SI: variants seen among roughly 807,000 people sequenced by gnomAD.
SI encodes the protein sucrase-isomaltase, intestinal.
In SI, 235 loss-of-function variants were observed where a neutral mutation model predicts 253.3. The observed-to-expected ratio is 0.93, with a 90% CI of 0.83 to 1.03. The LOEUF (loss-of-function observed/expected upper bound fraction) is 1.03. Among genes scored for constraint, SI ranks in the 50% least tolerant of loss-of-function variants. The probability of loss-of-function intolerance (pLI) is 0.00; values close to 1 mark genes in which losing one functional copy is unlikely to be tolerated. For synonymous variants in SI, 819 were observed against 712.0 expected (o/e 1.15, Z -2.39); for missense variants, 2,442 against 2,211.1 (o/e 1.10, Z -2.09).
chr3:165,023,029 C>T (rs1381367767), intron 26 of SI, among the ~76,000 whole-genome samples: 1 of 151,380 alleles, frequency 6.6e-6, no homozygotes, highest in Non-Finnish European at 1.5e-5. Flanking sequence ...GCCATTTCTG[C>T]TTCTAAATAA....
At chr3:165,017,252 T>A (rs1284897116) in intron 31 of SI, among the ~76,000 whole-genome samples, 1 of 151,976 alleles carries the variant, frequency 6.6e-6, no homozygotes, top group African/African-American at 2.4e-5. Context: ...GAGAACATAG[T>A]GACTGCCTGT....
intron 41 of SI, 30 bp downstream of exon 41, chr3:164,994,227 G>T: frequency 6.3e-7 from 1 of 1,588,492 alleles, no homozygotes; most frequent in South Asian, 1.1e-5. Flanking sequence ...GTATCTCTCT[G>T]TGATAAGAGA....
chr3:165,007,734 G>T (rs1718580052), intron 36 of SI, among the ~76,000 whole-genome samples, 177 bp downstream of exon 36: 1 of 150,418 alleles, frequency 6.6e-6, no homozygotes, highest in Non-Finnish European at 1.5e-5. Flanking sequence ...TGAAAATTGG[G>T]TGTGTGAATC....
rs564027722 is a variant in SI at position 164,992,101 on chromosome 3, C to A, written c.4983+76G>T. Reference sequence around the variant, plus strand: ...TAAGTGGAAAGTAAATCCAACATACCGTTAATGAAAAGGCTAGGGCCAAAC... The same window carrying A: ...TAAGTGGAAAGTAAATCCAACATACAGTTAATGAAAAGGCTAGGGCCAAAC... On this transcript the variant is annotated intron_variant, in intron 43 of 47. Coordinates refer to ENST00000264382, the MANE Select transcript of SI (RefSeq NM_001041.4). 12 of 1,182,754 alleles carry A rather than the reference C, an allele frequency of 1.0e-5. No individual in the cohort carries two copies. In the African/African-American group the frequency reaches 1.7e-4, roughly 16 times the overall value. The allele number at this position is 1,182,754 out of a possible 1,614,324, so 73.3% of individuals were successfully genotyped here.
At position 165,063,464 on chromosome 3, in the gene SI, A is replaced by G. The variant is rs141754766; in HGVS notation, c.885T>C (p.Phe295=). The G allele has an allele frequency of 6.3e-5, 97 of 1,534,766 alleles. 1 individual carries two copies. The African/African-American group carries it at 1.3e-3, about 20-fold the overall frequency. Reference sequence around the variant, plus strand: ...TACCCATTGCATTGCTATTCATTAAAAAAACACCGAATGACTTTCCAGATG... The same window carrying G: ...TACCCATTGCATTGCTATTCATTAAGAAAACACCGAATGACTTTCCAGATG... ...EDTSGKSFGV[F]LMNSNAMEIF... Residue 295 remains phenylalanine, a synonymous_variant, in exon 8 of 48, where the codon TTT becomes TTC. Transcript: ENST00000264382.
intron 40 of SI, among the ~76,000 whole-genome samples, chr3:164,995,913 C>G (rs1275651057): frequency 6.6e-6 from 1 of 151,686 alleles, no homozygotes; most frequent in Admixed American, 6.6e-5. Context: ...AATAATGAAT[C>G]TCTCCCCAAG....
intron 25 of SI, among the ~76,000 whole-genome samples, chr3:165,026,723 T>C (rs1002016667): frequency 6.6e-6 from 1 of 151,358 alleles, no homozygotes; most frequent in Non-Finnish European, 1.5e-5. Context: ...TGAATGATCA[T>C]TGGGTCAAAA....
intron 37 of SI, among the ~76,000 whole-genome samples, chr3:165,000,573 T>C (rs1233968638): frequency 6.6e-6 from 1 of 151,442 alleles, no homozygotes; most frequent in East Asian, 1.9e-4. Flanking sequence ...TAATTGTAAA[T>C]TAAAATAAAA....
chr3:165,003,819 C>T (rs954844859), intron 37 of SI, among the ~76,000 whole-genome samples: 1 of 151,352 alleles, frequency 6.6e-6, no homozygotes, highest in African/African-American at 2.4e-5. Context: ...AACAGATATA[C>T]AAAATATAAA....
At chr3:165,005,453 C>T (rs560889973) in intron 37 of SI, among the ~76,000 whole-genome samples, 1 of 151,884 alleles carries the variant, frequency 6.6e-6, no homozygotes, top group South Asian at 2.1e-4. Context: ...ATCTCACTTG[C>T]CCAATATATA....
At chr3:165,052,904 C>G (rs1713503219) in intron 13 of SI, among the ~76,000 whole-genome samples, 1 of 151,868 alleles carries the variant, frequency 6.6e-6, no homozygotes, top group African/African-American at 2.4e-5. Flanking sequence ...CTTATTTGGG[C>G]ATATCTTCTT....
intron 3 of SI, among the ~76,000 whole-genome samples, chr3:165,072,889 A>G (rs945111811): frequency 5.3e-5 from 8 of 152,100 alleles, no homozygotes; most frequent in Admixed American, 1.3e-4. Context: ...AAAACACTCA[A>G]ATTCTTTTGA....
At chr3:165,076,740 T>A (rs1035556776) in intron 1 of SI, among the ~76,000 whole-genome samples, 3 of 151,702 alleles carry the variant, frequency 2.0e-5, no homozygotes, top group Non-Finnish European at 1.5e-5. Flanking sequence ...AGGTAGCATA[T>A]GGAAGATACC....
At position 164,979,547 on chromosome 3, in the gene SI, A is replaced by G. The variant is rs546153736; in HGVS notation, c.5416-117T>C. 1.5e-4 allele frequency: 89 copies of G among 581,162 alleles called. 1 individual carries two copies. The African/African-American group carries it at 1.6e-3, about 10-fold the overall frequency. 36.0% of individuals were successfully genotyped at this position (581,162 alleles called of 1,614,324 possible). ...AGTATATACCTTTATTTTCTTTTAT[A>G]TCTTGAGAAATTTTTACTCTCAGAA... On this transcript the variant is annotated intron_variant, in intron 47 of 47. Transcript: ENST00000264382.
intron 18 of SI, among the ~76,000 whole-genome samples, chr3:165,040,517 G>A (rs1031064018): frequency 1.3e-5 from 2 of 151,820 alleles, no homozygotes; most frequent in Non-Finnish European, 2.9e-5. Context: ...AATTTAAAAG[G>A]ATCTTTAAGT....
chr3:165,079,391 A>G (rs1715202857), upstream of SI, among the ~76,000 whole-genome samples: 1 of 151,700 alleles, frequency 6.6e-6, no homozygotes, highest in African/African-American at 2.4e-5. Flanking sequence ...CAAAATATAT[A>G]TTAAAATAAT....
chr3:165,059,078 G>A lies in SI; in HGVS notation c.1283C>T (p.Pro428Leu). The change falls in exon 12 of 48, where the codon CCT (proline) becomes CTT (leucine). Residue 428 changes from proline to leucine, a missense_variant. Pro to Leu is a moderately conservative substitution (Grantham distance 98). Transcript: ENST00000264382. ...HGQKYVIILD[P>L]AISIGRRANG... ...GGCACGTCGACCTATGGAAATTGCAGGGTCCTAATAATAGAAAGCAGAAAC... is the reference window on the plus strand; with the variant it reads ...GGCACGTCGACCTATGGAAATTGCAAGGTCCTAATAATAGAAAGCAGAAAC... 6.2e-7 allele frequency: 1 copy of A among 1,612,272 alleles called. No individual in the cohort carries two copies.
Position 165,065,412 on chromosome 3 carries a change from G to A in SI, c.656C>T (p.Pro219Leu), listed in dbSNP as rs1199581960. 1 of 1,531,894 alleles carries A rather than the reference G, an allele frequency of 6.5e-7. No homozygotes were observed. The highest frequency in any genetic ancestry group is 8.9e-7 in the Non-Finnish European group (1 of 1,127,774). 94.9% of individuals were successfully genotyped at this position (1,531,894 alleles called of 1,614,324 possible). The change falls in exon 7 of 48, where the codon CCC becomes CTC. Residue 219 changes from proline (P) to leucine (L), a missense_variant. Transcript: ENST00000264382. ...TAAGTACTGGTCAGAGTACACTAAG[G>A]GACCAATGCTGGTGTCAAACCTGCA... ...GKTLFDTSIG[P>L]LVYSDQYLQI...
intron 6 of SI, among the ~76,000 whole-genome samples, chr3:165,065,863 A>T (rs1406982635): frequency 6.6e-6 from 1 of 151,842 alleles, no homozygotes; most frequent in Non-Finnish European, 1.5e-5. Flanking sequence ...TTAAAAATTA[A>T]GTTTGAAAGC....
Sources: gnomAD v4.1 joint callset for allele counts (sites outside exome capture counted in the v4.1 genomes callset) on GRCh38, gnomAD v4.1.1 for gene constraint, MANE v1.5 for transcripts, NCBI Gene and HGNC (gene_info 2026-07-23, HGNC 2026-07-21) for gene names.